NOPCHAP1: variants seen among roughly 807,000 people sequenced by gnomAD.
NOPCHAP1 encodes the protein DNA damage-sensitive RNA 1.
A neutral mutation model predicts 14.0 loss-of-function variants in NOPCHAP1; 13 were observed. The observed-to-expected ratio is 0.93, with a 90% confidence interval of 0.60 to 1.47. The LOEUF is 1.47. Ranked by LOEUF, NOPCHAP1 falls within the 40% of genes most tolerant of loss-of-function variation. The pLI, the probability that NOPCHAP1 is intolerant of heterozygous loss-of-function variation, is 0.00. For missense variants in NOPCHAP1, 230 were observed against 226.9 expected (o/e 1.01, Z -0.09); for synonymous variants, 78 against 78.4 (o/e 1.00, Z 0.03).
intron 2 of NOPCHAP1, 66 bp downstream of exon 2, chr12:104,988,319 G>C (rs776533157): frequency 3.6e-5 from 46 of 1,272,794 alleles, no homozygotes; most frequent in Non-Finnish European, 5.0e-5. Context: ...GCTGTGGGAC[G>C]GTCTCTGCCT....
chr12:104,999,160 A>C lies in NOPCHAP1; in HGVS notation c.*4464A>C, dbSNP rs953711556. The stretch of plus-strand genomic sequence containing the variant: ...GCAGTAGTGGCATGGCCAGGTGCAC[A>C]TGTACCCACACACTGGCAGGAAATT... On this transcript the variant is annotated 3_prime_UTR_variant, in exon 4 of 4. Coordinates refer to ENST00000552951, the MANE Select transcript of NOPCHAP1 (RefSeq NM_152318.3). 2 of 152,284 alleles carry C rather than the reference A, an allele frequency of 1.3e-5. No individual in the cohort carries two copies. The highest frequency in any genetic ancestry group is 4.8e-5 in the African/African-American group (2 of 41,416). 9.4% of individuals were successfully genotyped at this position (152,284 alleles called of 1,614,324 possible). A position where few individuals can be genotyped will look rare whatever the true frequency, so the allele number is the denominator to read the frequency against.
chr12:104,986,489 C>T, intron 1 of NOPCHAP1, 22 bp downstream of exon 1: 1 of 1,573,104 alleles, frequency 6.4e-7, no homozygotes, highest in Middle Eastern at 1.9e-4. Context: ...GTGACGGCGG[C>T]ATGGGCCGCA....
Position 104,996,632 on chromosome 12 carries a change from G to A in NOPCHAP1, c.*1936G>A, listed in dbSNP as rs751375537. ...GAACATGTGGTATTTTTCTGTTCCT[G>A]TGTTGGTTGCTTAGGTCCTGATCAT... On this transcript the variant is annotated 3_prime_UTR_variant, in exon 4 of 4. Transcript: ENST00000552951. 1 of 152,146 alleles carries A rather than the reference G, an allele frequency of 6.6e-6. No individual in the cohort carries two copies. Among genetic ancestry groups the A allele is most frequent in the East Asian group, 1.9e-4 (1 of 5,206 alleles). The allele number at this position is 152,146 out of a possible 1,614,324, so 9.4% of individuals were successfully genotyped here.
chr12:104,995,757 T>G lies in NOPCHAP1; in HGVS notation c.*1061T>G, dbSNP rs532060781. 1 of 152,082 alleles carries G rather than the reference T, an allele frequency of 6.6e-6. No homozygotes were observed. Among genetic ancestry groups the G allele is most frequent in the East Asian group, 1.9e-4 (1 of 5,178 alleles). The allele number at this position is 152,082 out of a possible 1,614,324, so 9.4% of individuals were successfully genotyped here. ...GTGCAGTGGCGCGATCTCAGCTCAC[T>G]ACAAGCTCTGCCTCCCGGGTTCACG... On this transcript the variant is annotated 3_prime_UTR_variant, in exon 4 of 4. Transcript: ENST00000552951.
rs1873611497 is a variant in NOPCHAP1, at chr12:105,001,579, A to G, written c.*6883A>G. On this transcript the variant is annotated 3_prime_UTR_variant, in exon 4 of 4. Coordinates refer to ENST00000552951, the MANE Select transcript of NOPCHAP1 (RefSeq NM_152318.3). ...TTGTCCCTCTGAAAGAGAATTTTAT[A>G]TGCCCTTTTGCCTTGGAGAGCAAGT... 6.6e-6 allele frequency: 1 copy of G among 152,220 alleles called. No homozygotes were observed. The highest frequency in any genetic ancestry group is 1.5e-5 in the Non-Finnish European group (1 of 68,030). 9.4% of individuals were successfully genotyped at this position (152,220 alleles called of 1,614,324 possible).
At position 105,014,971 on chromosome 12, in the gene NOPCHAP1, T is replaced by G. The variant is rs1426443397; in HGVS notation, c.*20275T>G. ...AGGACTATCTGTGAGTGGGCAGAGC[T>G]GATGGAACTTTGTCTGCTAATGTTT... On this transcript the variant is annotated 3_prime_UTR_variant, in exon 4 of 4. Transcript: ENST00000552951. 1 of 152,230 alleles carries G rather than the reference T, an allele frequency of 6.6e-6. No homozygotes were observed. The highest frequency in any genetic ancestry group is 1.5e-5 in the Non-Finnish European group (1 of 68,052). The allele number at this position is 152,230 out of a possible 1,614,324, so 9.4% of individuals were successfully genotyped here.
chr12:104,996,269 G>A lies in NOPCHAP1; in HGVS notation c.*1573G>A, dbSNP rs1275784270. 6.6e-6 allele frequency: 1 copy of A among 152,090 alleles called. No individual in the cohort carries two copies. Among genetic ancestry groups the A allele is most frequent in the Non-Finnish European group, 1.5e-5 (1 of 68,012 alleles). 9.4% of individuals were successfully genotyped at this position (152,090 alleles called of 1,614,324 possible). On this transcript the variant is annotated 3_prime_UTR_variant, in exon 4 of 4. Coordinates refer to ENST00000552951, the MANE Select transcript of NOPCHAP1 (RefSeq NM_152318.3). ...ATCAGTCAGTTCAGTTCATCCACTGGTACATCTGCATAGCTCCTGAACAAG... is the reference window on the plus strand; with the variant it reads ...ATCAGTCAGTTCAGTTCATCCACTGATACATCTGCATAGCTCCTGAACAAG...
rs967093978 is a variant in NOPCHAP1 at position 104,997,126 on chromosome 12, C to T, written c.*2430C>T. ...ATATGTGTGCATTTGATCCTGTCATCATATTGTTAGCTGGTTACCATGCAG... is the reference window on the plus strand; with the variant it reads ...ATATGTGTGCATTTGATCCTGTCATTATATTGTTAGCTGGTTACCATGCAG... On this transcript the variant is annotated 3_prime_UTR_variant, in exon 4 of 4. Transcript: ENST00000552951. The T allele has an allele frequency of 6.6e-6, 1 of 152,192 alleles. No homozygotes were observed. Among genetic ancestry groups the T allele is most frequent in the Non-Finnish European group, 1.5e-5 (1 of 68,038 alleles). 9.4% of individuals were successfully genotyped at this position (152,192 alleles called of 1,614,324 possible).
Position 105,016,770 on chromosome 12 carries a change from T to C in NOPCHAP1, c.*22074T>C, listed in dbSNP as rs1302945363. Reference sequence around the variant, plus strand: ...GAATTATGGGAGCTACAATTCAAGATGAGATTTGGGTGGGGACACAGCCAA... The same window carrying C: ...GAATTATGGGAGCTACAATTCAAGACGAGATTTGGGTGGGGACACAGCCAA... On this transcript the variant is annotated 3_prime_UTR_variant, in exon 4 of 4. Transcript: ENST00000552951. 6.6e-6 allele frequency: 1 copy of C among 152,112 alleles called. No homozygotes were observed. The highest frequency in any genetic ancestry group is 1.5e-5 in the Non-Finnish European group (1 of 68,018). The allele number at this position is 152,112 out of a possible 1,614,324, so 9.4% of individuals were successfully genotyped here.
Position 104,986,381 on chromosome 12 carries a change from G to A in NOPCHAP1, c.29G>A (p.Ser10Asn), listed in dbSNP as rs371639910. 47 of 1,611,258 alleles carry A rather than the reference G, an allele frequency of 2.9e-5. No individual in the cohort carries two copies. Among genetic ancestry groups the A allele is most frequent in the Non-Finnish European group, 3.7e-5 (44 of 1,178,974 alleles). The change falls in exon 1 of 4, where the codon AGC (serine) becomes AAC (asparagine). Residue 10 changes from serine (S) to asparagine (N), a missense_variant. Physicochemically the swap from Ser to Asn is conservative, Grantham distance 46. Coordinates refer to ENST00000552951, the MANE Select transcript of NOPCHAP1 (RefSeq NM_152318.3). The part of the protein sequence containing the change: MEVHGKPKA[S>N]PSCSSPTRDS... Reference sequence around the variant, plus strand: ...GAGGTCCATGGCAAGCCCAAGGCTAGCCCGAGTTGTTCGTCGCCCACCCGG... The same window carrying A: ...GAGGTCCATGGCAAGCCCAAGGCTAACCCGAGTTGTTCGTCGCCCACCCGG...
intron 2 of NOPCHAP1, among the ~76,000 whole-genome samples, chr12:104,989,297 A>T (rs1873322721): frequency 6.6e-6 from 1 of 152,192 alleles, no homozygotes; most frequent in African/African-American, 2.4e-5. Flanking sequence ...ATCATTCTTG[A>T]TAGTGCAGCT....
chr12:104,988,797 G>T (rs1873307750), intron 2 of NOPCHAP1, among the ~76,000 whole-genome samples: 1 of 152,028 alleles, frequency 6.6e-6, no homozygotes, highest in African/African-American at 2.4e-5. Flanking sequence ...AAGCATGAAG[G>T]TAATGAAGGT....
At position 104,998,509 on chromosome 12, in the gene NOPCHAP1, C is replaced by T. The variant is rs1286574892; in HGVS notation, c.*3813C>T. 2 of 152,258 alleles carry T rather than the reference C, an allele frequency of 1.3e-5. No homozygotes were observed. The highest frequency in any genetic ancestry group is 4.8e-5 in the African/African-American group (2 of 41,432). 9.4% of individuals were successfully genotyped at this position (152,258 alleles called of 1,614,324 possible). On this transcript the variant is annotated 3_prime_UTR_variant, in exon 4 of 4. Coordinates refer to ENST00000552951, the MANE Select transcript of NOPCHAP1 (RefSeq NM_152318.3). The stretch of plus-strand genomic sequence containing the variant: ...ATTCTGGGGGGCTGATATCAGGCCC[C>T]TGGCTTTGTTCTCTGGCCACTGGAG...
chr12:104,986,531 GT>G (rs1873240061), intron 1 of NOPCHAP1, 64 bp downstream of exon 1: 1 of 1,379,396 alleles, frequency 7.2e-7, no homozygotes, highest in East Asian at 2.6e-5. Context: ...GGCCGGTGCA[GT>G]TTGGGAGCCG....
rs917147187 is a variant in NOPCHAP1 at position 104,994,980 on chromosome 12, T to C, written c.*284T>C. The C allele has an allele frequency of 2.7e-6, 1 of 373,674 alleles. No individual in the cohort carries two copies. The highest frequency in any genetic ancestry group is 4.9e-6 in the Non-Finnish European group (1 of 203,354). 23.1% of individuals were successfully genotyped at this position (373,674 alleles called of 1,614,324 possible). On this transcript the variant is annotated 3_prime_UTR_variant, in exon 4 of 4. Coordinates refer to ENST00000552951, the MANE Select transcript of NOPCHAP1 (RefSeq NM_152318.3). ...AGAGTACAGGAATAACTTGATGGGT[T>C]ACAGCTAGGTGTTTGCCTAAATAAG...
rs773946880 is a variant in NOPCHAP1 at position 104,986,319 on chromosome 12, C to T, written c.-34C>T. The T allele has an allele frequency of 6.4e-6, 10 of 1,562,022 alleles. No individual in the cohort carries two copies. The African/African-American group carries it at 6.8e-5, about 11-fold the overall frequency. ...CCCCCTTACCCGAGCCTTTTTCCTG[C>T]ATCCGGGCCTGAGAGTGCAGGCTTG... On this transcript the variant is annotated 5_prime_UTR_variant, in exon 1 of 4. Transcript: ENST00000552951.
In NOPCHAP1 at chr12:104,988,183, G is replaced by T; in HGVS notation, c.132G>T (p.Leu44Phe). ...SDGRGGIWDR[L>F]LINSQPKSRK... is the part of the protein sequence containing the mutation. ...TATTTTCAGGTATATGGGACAGGTT[G>T]CTCATCAACTCCCAACCTAAGTCCA... The change falls in exon 2 of 4, where the codon TTG (leucine) becomes TTT (phenylalanine). Residue 44 changes from leucine to phenylalanine, a missense_variant. By Grantham distance (22) the Leu-to-Phe change is conservative. Coordinates refer to ENST00000552951, the MANE Select transcript of NOPCHAP1 (RefSeq NM_152318.3). 1 of 1,612,016 alleles carries T rather than the reference G, an allele frequency of 6.2e-7. No individual in the cohort carries two copies. The highest frequency in any genetic ancestry group is 8.5e-7 in the Non-Finnish European group (1 of 1,178,548).
intron 2 of NOPCHAP1, among the ~76,000 whole-genome samples, chr12:104,989,153 C>T (rs113785439): frequency 0.013 from 1,910 of 152,008 alleles, 13 homozygotes; most frequent in Middle Eastern, 0.02. Context: ...AGTGGTATCG[C>T]GTTGTGATCT....
rs1178915111 is a variant in NOPCHAP1, at chr12:105,012,065, G to C, written c.*17369G>C. The C allele has an allele frequency of 6.6e-6, 1 of 152,170 alleles. No homozygotes were observed. The highest frequency in any genetic ancestry group is 2.4e-5 in the African/African-American group (1 of 41,426). 9.4% of individuals were successfully genotyped at this position (152,170 alleles called of 1,614,324 possible). A position where few individuals can be genotyped will look rare whatever the true frequency, so the allele number is the denominator to read the frequency against. ...TTGCTAGGTTGGGGAAGTTCTCGTG[G>C]ATAATATCCTGAAGAGTGTTTTCCA... is the stretch of plus-strand genomic sequence containing the variant. On this transcript the variant is annotated 3_prime_UTR_variant, in exon 4 of 4. Coordinates refer to ENST00000552951, the MANE Select transcript of NOPCHAP1 (RefSeq NM_152318.3).
Sources: gnomAD v4.1 joint callset for allele counts (sites outside exome capture counted in the v4.1 genomes callset) on GRCh38, gnomAD v4.1.1 for gene constraint, MANE v1.5 for transcripts, NCBI Gene and HGNC (gene_info 2026-07-23, HGNC 2026-07-21) for gene names.